MYOCD: variants seen among roughly 807,000 people sequenced by gnomAD.
The protein encoded by MYOCD is myocardin.
MYOCD carries 32 observed loss-of-function variants against 96.1 expected under a neutral mutation model. The observed-to-expected ratio is 0.33, with a 90% CI of 0.25 to 0.45. The LOEUF is 0.45. MYOCD is among the 20% of genes least tolerant of loss of function. MYOCD has a pLI of 1.00. For missense variants in MYOCD, 1,133 were observed against 1,200.6 expected (o/e 0.94, Z 0.83); for synonymous variants, 469 against 469.0 (o/e 1.00, Z 0.00).
chr17:12,729,281 T>C (rs1193451104), intron 5 of MYOCD, among the ~76,000 whole-genome samples: 1 of 152,118 alleles, frequency 6.6e-6, no homozygotes, highest in African/African-American at 2.4e-5. Flanking sequence ...AGGATGGTTC[T>C]GGGAAAGAGT....
At chr17:12,681,648 G>T (rs1910474617) in intron 1 of MYOCD, among the ~76,000 whole-genome samples, 1 of 152,148 alleles carries the variant, frequency 6.6e-6, no homozygotes, top group African/African-American at 2.4e-5. Context: ...TCTCCCTAAA[G>T]GAAGCAGAGC....
At chr17:12,713,302 A>T (rs1453436197) in intron 2 of MYOCD, among the ~76,000 whole-genome samples, 1 of 152,194 alleles carries the variant, frequency 6.6e-6, no homozygotes, top group Non-Finnish European at 1.5e-5. Flanking sequence ...TACGAAGCTG[A>T]GATACAGGAA....
chr17:12,687,374 G>C (rs2030179350), intron 1 of MYOCD, among the ~76,000 whole-genome samples: 1 of 152,250 alleles, frequency 6.6e-6, no homozygotes, highest in South Asian at 2.1e-4. Flanking sequence ...AAAATCTGGG[G>C]AGTTATTTTC....
chr17:12,715,661 C>T (rs766127997), intron 3 of MYOCD, 87 bp downstream of exon 3: 165 of 1,046,494 alleles, frequency 1.6e-4, no homozygotes, highest in Non-Finnish European at 2.2e-4. Flanking sequence ...GTGTAGAATT[C>T]CTACAACAAA....
intron 2 of MYOCD, among the ~76,000 whole-genome samples, chr17:12,711,716 A>G (rs72811292): frequency 0.12 from 17,719 of 151,936 alleles, 1,150 homozygotes; most frequent in African/African-American, 0.18. Context: ...ATCAGTCCTG[A>G]TGATTCATTG....
At chr17:12,748,076 C>A (rs564060963) in intron 9 of MYOCD, among the ~76,000 whole-genome samples, 1 of 147,540 alleles carries the variant, frequency 6.8e-6, no homozygotes, top group East Asian at 2.1e-4. Context: ...GCGGGAGAAT[C>A]GCTTGAACCC....
chr17:12,667,979 G>T (rs1399010498), intron 1 of MYOCD, among the ~76,000 whole-genome samples: 4 of 152,164 alleles, frequency 2.6e-5, no homozygotes, highest in Non-Finnish European at 4.4e-5. Flanking sequence ...AGGGAATCTG[G>T]AGTCTGAGAT....
At chr17:12,704,624 T>C (rs973131001) in intron 1 of MYOCD, among the ~76,000 whole-genome samples, 4 of 152,330 alleles carry the variant, frequency 2.6e-5, no homozygotes, top group African/African-American at 9.6e-5. Context: ...GTGCATACAT[T>C]GTTTTATCAA....
chr17:12,758,128 C>T lies in MYOCD; in HGVS notation c.2246C>T (p.Ser749Leu), dbSNP rs1329963872. The change falls in exon 12 of 14, where the codon TCA becomes TTA. Residue 749 changes from serine (S) to leucine (L), a missense_variant. By Grantham distance (145) the Ser-to-Leu change is moderately radical (BLOSUM62 -2). Coordinates refer to ENST00000425538, the MANE Select transcript of MYOCD (RefSeq NM_001146312.3). The part of the protein sequence containing the change: ...HSSDKVGPKF[S>L]IPSPTFSKSS... ...TCTGATAAGGTGGGGCCAAAGTTTT[C>T]AATTCCATCCCCAACTTTTTCTAAG... 1.2e-6 allele frequency: 2 copies of T among 1,614,146 alleles called. No homozygotes were observed. The highest frequency in any genetic ancestry group is 2.2e-5 in the East Asian group (1 of 44,866).
At chr17:12,724,596 T>C (rs1478914110) in intron 5 of MYOCD, among the ~76,000 whole-genome samples, 3 of 152,198 alleles carry the variant, frequency 2.0e-5, no homozygotes, top group Non-Finnish European at 4.4e-5. Context: ...CATTATATTT[T>C]CTGAATTCAT....
chr17:12,690,327 TTTC>T (rs200869036), intron 1 of MYOCD, among the ~76,000 whole-genome samples: 3,456 of 152,300 alleles, frequency 0.023, 60 homozygotes, highest in Middle Eastern at 0.037. Flanking sequence ...GCAAAGCTTT[TTTC>T]TTCTTCTTCA....
chr17:12,756,472 A>G lies in MYOCD; in HGVS notation c.2117A>G (p.His706Arg). The G allele has an allele frequency of 6.4e-7, 1 of 1,551,630 alleles. No homozygotes were observed. Among genetic ancestry groups the G allele is most frequent in the Non-Finnish European group, 8.7e-7 (1 of 1,146,994 alleles). The stretch of plus-strand genomic sequence containing the variant: ...TTCTCTCCCCATTCTTCCAGCCTCC[A>G]CCCGCCCTTCTCTGGAGCCCAAGCA... ...PSFSPHSSSL[H>R]PPFSGAQADS... Residue 706 changes from histidine to arginine, a missense_variant, in exon 11 of 14, where the codon CAC becomes CGC. Transcript: ENST00000425538.
At chr17:12,722,430 TA>T (rs1439528448) in intron 4 of MYOCD, among the ~76,000 whole-genome samples, 1 of 152,180 alleles carries the variant, frequency 6.6e-6, no homozygotes, top group Non-Finnish European at 1.5e-5. Context: ...CAAAATCCTT[TA>T]AAAGTCATAC....
At chr17:12,690,453 G>A (rs7221712) in intron 1 of MYOCD, among the ~76,000 whole-genome samples, 1 of 151,796 alleles carries the variant, frequency 6.6e-6, no homozygotes, top group Non-Finnish European at 1.5e-5. Context: ...AAGTTTACAG[G>A]AAAAAGGGAT....
chr17:12,696,428 T>C (rs1176189533), intron 1 of MYOCD, among the ~76,000 whole-genome samples: 1 of 152,178 alleles, frequency 6.6e-6, no homozygotes, highest in Non-Finnish European at 1.5e-5. Context: ...CTTTTGAGTA[T>C]ATACCCACAG....
chr17:12,686,654 G>A (rs745529623), intron 1 of MYOCD, among the ~76,000 whole-genome samples: 9 of 152,198 alleles, frequency 5.9e-5, no homozygotes, highest in Non-Finnish European at 8.8e-5. Flanking sequence ...AGCATCATGG[G>A]TCTGATGAAA....
At chr17:12,705,269 C>A in intron 2 of MYOCD, 76 bp downstream of exon 2, 3 of 1,047,592 alleles carry the variant, frequency 2.9e-6, no homozygotes, top group South Asian at 2.8e-5. Context: ...CCTCAGAGGT[C>A]ATTTAGTTTA....
At chr17:12,679,436 G>A (rs1280124438) in intron 1 of MYOCD, among the ~76,000 whole-genome samples, 1 of 152,132 alleles carries the variant, frequency 6.6e-6, no homozygotes, top group Non-Finnish European at 1.5e-5. Flanking sequence ...ACTACAGAAT[G>A]TCCCAGAGAC....
chr17:12,702,619 T>C (rs2031124264), intron 1 of MYOCD, among the ~76,000 whole-genome samples: 1 of 152,028 alleles, frequency 6.6e-6, no homozygotes. Context: ...TTTTTGTTCC[T>C]ATATTCCCCC....
Sources: gnomAD v4.1 joint callset for allele counts (sites outside exome capture counted in the v4.1 genomes callset) on GRCh38, gnomAD v4.1.1 for gene constraint, MANE v1.5 for transcripts, NCBI Gene and HGNC (gene_info 2026-07-23, HGNC 2026-07-21) for gene names.